CACNA2D1: variants seen among roughly 807,000 people sequenced by gnomAD.
The protein encoded by CACNA2D1 is calcium voltage-gated channel auxiliary subunit alpha2delta 1, also known as voltage-dependent calcium channel subunit alpha-2/delta-1.
CACNA2D1 carries 53 observed loss-of-function variants against 171.5 expected under a neutral mutation model. The ratio of observed to expected loss-of-function variants is 0.31; its 90% confidence interval spans 0.25 to 0.39. The LOEUF is 0.39. CACNA2D1 is among the 10% of genes least tolerant of loss of function. The probability of loss-of-function intolerance (pLI) is 1.00; values close to 1 mark genes in which losing one functional copy is unlikely to be tolerated. For synonymous variants in CACNA2D1, 442 were observed against 443.1 expected (o/e 1.00, Z 0.03); for missense variants, 903 against 1,299.8 (o/e 0.69, Z 4.69).
chr7:82,230,776 T>C (rs1392949836), intron 3 of CACNA2D1, among the ~76,000 whole-genome samples: 1 of 152,250 alleles, frequency 6.6e-6, no homozygotes, highest in Non-Finnish European at 1.5e-5. Flanking sequence ...TTACATCTAC[T>C]GGAAATATAC....
intron 7 of CACNA2D1, among the ~76,000 whole-genome samples, chr7:82,072,127 T>C (rs757719763): frequency 6.6e-6 from 1 of 152,152 alleles, no homozygotes; most frequent in African/African-American, 2.4e-5. Context: ...GGTCAGGACT[T>C]TTCTCAATCA....
chr7:82,313,168 T>A (rs1814685525), intron 3 of CACNA2D1, among the ~76,000 whole-genome samples: 1 of 152,138 alleles, frequency 6.6e-6, no homozygotes, highest in Non-Finnish European at 1.5e-5. Flanking sequence ...TCTTTGTCAA[T>A]CTATCTCACA....
intron 10 of CACNA2D1, among the ~76,000 whole-genome samples, chr7:82,053,824 G>A (rs1805500103): frequency 6.6e-6 from 1 of 152,248 alleles, no homozygotes; most frequent in African/African-American, 2.4e-5. Flanking sequence ...ACTTCCAGGT[G>A]AAATGTATTC....
At position 82,400,952 on chromosome 7, in the gene CACNA2D1, A is replaced by G. The variant is rs1026009767; in HGVS notation, c.95+42413T>C. On this transcript the variant is annotated intron_variant, in intron 1 of 38. Coordinates refer to ENST00000356860, the MANE Select transcript of CACNA2D1 (RefSeq NM_000722.4). Reference sequence around the variant, plus strand: ...TTTATGAAGCCAAAAAACACATGAAAAAATGCTCATCATCACTGGCCGTCA... The same window carrying G: ...TTTATGAAGCCAAAAAACACATGAAGAAATGCTCATCATCACTGGCCGTCA... Among the ~76,000 whole-genome samples the G allele has an allele frequency of 3.3e-3, 510 of 152,316 alleles. 2 individuals carry two copies. The highest frequency in any genetic ancestry group is 0.012 in the African/African-American group (490 of 41,536).
chr7:82,079,306 C>G (rs142360196), intron 7 of CACNA2D1, among the ~76,000 whole-genome samples: 51 of 152,234 alleles, frequency 3.4e-4, no homozygotes, highest in Non-Finnish European at 5.1e-4. Context: ...TGAGGACTTT[C>G]CAAAGGTCAT....
chr7:82,085,684 T>C (rs980830615), intron 6 of CACNA2D1, among the ~76,000 whole-genome samples: 2 of 146,024 alleles, frequency 1.4e-5, no homozygotes, highest in Middle Eastern at 3.6e-3. Flanking sequence ...TCATAAACAA[T>C]AGTTTTTTTT....
chr7:82,215,148 T>G (rs779289867), intron 3 of CACNA2D1, among the ~76,000 whole-genome samples: 2 of 152,124 alleles, frequency 1.3e-5, no homozygotes, highest in African/African-American at 4.8e-5. Flanking sequence ...ATGAAAGAAA[T>G]GAAACTCACC....
At chr7:82,159,883 G>C (rs1794763722) in intron 4 of CACNA2D1, among the ~76,000 whole-genome samples, 1 of 84,162 alleles carries the variant, frequency 1.2e-5, no homozygotes, top group South Asian at 3.3e-4. Flanking sequence ...AACAGAAAAT[G>C]TAGCTCAATT....
At position 82,272,455 on chromosome 7, in the gene CACNA2D1, T is replaced by C. The variant is rs527559869; in HGVS notation, c.294+62680A>G. Among the ~76,000 whole-genome samples the C allele has an allele frequency of 5.1e-4, 78 of 152,244 alleles. 1 individual carries two copies. Among genetic ancestry groups the C allele is most frequent in the African/African-American group, 1.7e-3 (71 of 41,554 alleles). On this transcript the variant is annotated intron_variant, in intron 3 of 38. Coordinates refer to ENST00000356860, the MANE Select transcript of CACNA2D1 (RefSeq NM_000722.4). ...GATACAGCAACTCACTTCTCACAAA[T>C]AGCATAAAGTAGAAAGGATAGCACG...
chr7:82,177,725 C>T (rs1796699354), intron 3 of CACNA2D1, among the ~76,000 whole-genome samples: 1 of 152,070 alleles, frequency 6.6e-6, no homozygotes, highest in African/African-American at 2.4e-5. Flanking sequence ...GACCATCAAT[C>T]TTTCTTCACA....
chr7:82,250,787 G>T (rs575973052), intron 3 of CACNA2D1, among the ~76,000 whole-genome samples: 1 of 152,160 alleles, frequency 6.6e-6, no homozygotes, highest in African/African-American at 2.4e-5. Flanking sequence ...TTTCACAAGA[G>T]TTCTGGTTTA....
At chr7:82,179,107 G>A (rs1796850045) in intron 3 of CACNA2D1, among the ~76,000 whole-genome samples, 2 of 152,126 alleles carry the variant, frequency 1.3e-5, no homozygotes, top group African/African-American at 4.8e-5. Context: ...AAAATTGCTA[G>A]ATTAACTCAA....
chr7:82,418,424 G>T (rs1467528052), intron 1 of CACNA2D1, among the ~76,000 whole-genome samples: 2 of 152,008 alleles, frequency 1.3e-5, no homozygotes, highest in Admixed American at 6.6e-5. Context: ...ATCAACTAAA[G>T]AAGTTAAATA....
chr7:82,183,596 C>T (rs1302995599), intron 3 of CACNA2D1, among the ~76,000 whole-genome samples: 2 of 152,044 alleles, frequency 1.3e-5, no homozygotes, highest in Non-Finnish European at 2.9e-5. Flanking sequence ...GAGAAATACC[C>T]ATTTCACAGA....
At chr7:82,056,467 C>G (rs1805921292) in intron 10 of CACNA2D1, among the ~76,000 whole-genome samples, 1 of 152,126 alleles carries the variant, frequency 6.6e-6, no homozygotes, top group Admixed American at 6.5e-5. Context: ...ATAAGATGAT[C>G]TGTCCACTGG....
At chr7:82,001,672 C>A in intron 18 of CACNA2D1, 1 of 1,259,566 alleles carries the variant, frequency 7.9e-7, no homozygotes, top group Non-Finnish European at 1.0e-6. Context: ...GATATTGGGT[C>A]TCCTTTTTCT....
chr7:82,232,562 A>T (rs1381783732), intron 3 of CACNA2D1, among the ~76,000 whole-genome samples: 2 of 152,046 alleles, frequency 1.3e-5, no homozygotes, highest in African/African-American at 2.4e-5. Flanking sequence ...ACAAATTGAG[A>T]TTCTAATATT....
chr7:82,145,331 GTATATAA>G (rs1792870019), intron 4 of CACNA2D1, among the ~76,000 whole-genome samples: 3 of 137,868 alleles, frequency 2.2e-5, no homozygotes, highest in South Asian at 4.5e-4. Flanking sequence ...TATATAAATT[GTATATAA>G]TATATAATTT....
chr7:82,028,303 A>G (rs1802204926), intron 12 of CACNA2D1: 1 of 151,802 alleles, frequency 6.6e-6, no homozygotes, highest in Non-Finnish European at 1.5e-5. Flanking sequence ...TGGTTTACTG[A>G]ATATTTTGAG....
Sources: gnomAD v4.1 joint callset for allele counts (sites outside exome capture counted in the v4.1 genomes callset) on GRCh38, gnomAD v4.1.1 for gene constraint, MANE v1.5 for transcripts, NCBI Gene and HGNC (gene_info 2026-07-23, HGNC 2026-07-21) for gene names.